The following SLC44A5 variants were observed in gnomAD, a reference collection of about 807,000 sequenced individuals.
The protein encoded by SLC44A5 is choline transporter-like protein 5.
SLC44A5 carries 57 observed loss-of-function variants against 101.8 expected under a neutral mutation model. The observed-to-expected ratio is 0.56, with a 90% CI of 0.45 to 0.70. The LOEUF is 0.70. Ranked by LOEUF, SLC44A5 falls within the 30% of genes least tolerant of loss-of-function variation. The probability of loss-of-function intolerance (pLI) is 0.00; values close to 1 mark genes in which losing one functional copy is unlikely to be tolerated. For missense variants in SLC44A5, 737 were observed against 853.1 expected (o/e 0.86, Z 1.70); for synonymous variants, 281 against 290.9 (o/e 0.97, Z 0.35).
At chr1:75,308,729 C>A (rs1284732961) in intron 4 of SLC44A5, among the ~76,000 whole-genome samples, 1 of 152,160 alleles carries the variant, frequency 6.6e-6, no homozygotes, top group African/African-American at 2.4e-5. Context: ...GTTTGGAACA[C>A]TTTTTAATCT....
the SLC44A5 span, among the ~76,000 whole-genome samples, chr1:75,689,839 C>T: frequency 2.6e-5 from 4 of 152,164 alleles, no homozygotes; most frequent in Non-Finnish European, 5.9e-5. Context: ...TTGGTCCTTG[C>T]TTGTTTAGCC....
At chr1:75,272,071 T>C (rs1651523356) in intron 6 of SLC44A5, among the ~76,000 whole-genome samples, 1 of 152,114 alleles carries the variant, frequency 6.6e-6, no homozygotes, top group South Asian at 2.1e-4. Flanking sequence ...GATTAGTGTG[T>C]TGGGCATTTT....
chr1:75,444,186 G>T (rs929935923), intron 2 of SLC44A5, among the ~76,000 whole-genome samples: 1 of 151,706 alleles, frequency 6.6e-6, no homozygotes, highest in Non-Finnish European at 1.5e-5. Flanking sequence ...GCATGGTGAC[G>T]CATAGCTGTA....
chr1:75,639,480 T>C, the SLC44A5 span, among the ~76,000 whole-genome samples: 11 of 152,104 alleles, frequency 7.2e-5, no homozygotes, highest in Non-Finnish European at 1.6e-4. Context: ...CAGCTCAGTT[T>C]CTAGCCAAAC....
At chr1:75,206,723 T>G in intron 23 of SLC44A5, 6 of 1,537,072 alleles carry the variant, frequency 3.9e-6, no homozygotes, top group Non-Finnish European at 5.4e-6. Context: ...TCTTCACCTG[T>G]ATATGCAGCA....
intron 18 of SLC44A5, 107 bp downstream of exon 18, chr1:75,217,759 T>A (rs1184982824): frequency 7.5e-5 from 55 of 737,042 alleles, no homozygotes; most frequent in Non-Finnish European, 1.0e-4. Context: ...GTCCCAAATA[T>A]GCCCTTTCAT....
At chr1:75,268,724 T>C (rs1195401460) in intron 6 of SLC44A5, among the ~76,000 whole-genome samples, 1 of 152,214 alleles carries the variant, frequency 6.6e-6, no homozygotes, top group Non-Finnish European at 1.5e-5. Flanking sequence ...GAAATTATAC[T>C]ACACATGCCA....
At chr1:75,635,878 T>C in the SLC44A5 span, among the ~76,000 whole-genome samples, 3 of 152,086 alleles carry the variant, frequency 2.0e-5, no homozygotes, top group Non-Finnish European at 2.9e-5. Context: ...TTAATAGGTA[T>C]GAAACTTAAC....
At chr1:75,403,272 C>T (rs1662619909) in intron 2 of SLC44A5, among the ~76,000 whole-genome samples, 3 of 152,208 alleles carry the variant, frequency 2.0e-5, no homozygotes, top group South Asian at 2.1e-4. Context: ...GGCGCAGCTT[C>T]AGCAGACTTA....
intron 3 of SLC44A5, among the ~76,000 whole-genome samples, chr1:75,388,987 G>A (rs528343302): frequency 1.3e-5 from 2 of 151,614 alleles, no homozygotes; most frequent in East Asian, 3.9e-4. Context: ...ATAGAAAAAG[G>A]TCTATCAAAT....
In SLC44A5 at chr1:75,222,469, A is replaced by T; in HGVS notation, c.986-9T>A. 1 of 1,566,398 alleles carries T rather than the reference A, an allele frequency of 6.4e-7. No individual in the cohort carries two copies. The highest frequency in any genetic ancestry group is 8.8e-7 in the Non-Finnish European group (1 of 1,139,486). ...GATGCAGAGTATTATCACTTTGAAC[A>T]GGAAAAAAAAAATCAGTCTGTAATA... On this transcript the variant is annotated splice_polypyrimidine_tract_variant and intron_variant, in intron 13 of 23. Transcript: ENST00000370859.
At chr1:75,628,010 C>T in the SLC44A5 span, among the ~76,000 whole-genome samples, 2 of 150,960 alleles carry the variant, frequency 1.3e-5, no homozygotes, top group East Asian at 1.9e-4. Context: ...ACAGCTAGTA[C>T]GTGGCGAAAT....
At chr1:75,716,457 T>C in the SLC44A5 span, among the ~76,000 whole-genome samples, 1 of 150,022 alleles carries the variant, frequency 6.7e-6, no homozygotes, top group South Asian at 2.1e-4. Context: ...AGTGACAGAG[T>C]GACACTCTGT....
intron 2 of SLC44A5, among the ~76,000 whole-genome samples, chr1:75,443,339 T>G (rs1186621674): frequency 6.6e-6 from 1 of 151,742 alleles, no homozygotes; most frequent in African/African-American, 2.4e-5. Flanking sequence ...TCAGAAAGAC[T>G]AAAAGCTTTG....
chr1:75,264,346 C>T (rs1187670080), intron 6 of SLC44A5, among the ~76,000 whole-genome samples: 1 of 152,196 alleles, frequency 6.6e-6, no homozygotes, highest in Non-Finnish European at 1.5e-5. Context: ...AGTGGCAGGG[C>T]TGCCACACGT....
intron 23 of SLC44A5, chr1:75,205,800 T>A (rs1646740411): frequency 6.6e-6 from 1 of 152,112 alleles, no homozygotes; most frequent in Admixed American, 6.6e-5. Context: ...CTGAAACAAA[T>A]TCATATTGAT....
intron 1 of SLC44A5, among the ~76,000 whole-genome samples, chr1:75,597,179 CT>C (rs1176507076): frequency 8.2e-6 from 1 of 122,600 alleles, no homozygotes; most frequent in African/African-American, 3.3e-5. Context: ...TAGAGCCAGA[CT>C]TTGTCTCAAA....
At chr1:75,688,015 A>G in the SLC44A5 span, among the ~76,000 whole-genome samples, 1 of 152,180 alleles carries the variant, frequency 6.6e-6, no homozygotes, top group Non-Finnish European at 1.5e-5. Flanking sequence ...AGAGCTGACT[A>G]CAGCTTGAAT....
chr1:75,435,149 T>A (rs1664815500), intron 2 of SLC44A5, among the ~76,000 whole-genome samples: 1 of 152,160 alleles, frequency 6.6e-6, no homozygotes, highest in South Asian at 2.1e-4. Flanking sequence ...TTCCTCTCTG[T>A]TACTGCCATA....
Sources: allele counts gnomAD v4.1 joint callset (sites outside exome capture counted in the v4.1 genomes callset), GRCh38; gene constraint gnomAD v4.1.1; transcripts MANE v1.5; gene names NCBI Gene and HGNC (gene_info 2026-07-23, HGNC 2026-07-21).